Variants in EXOSC7 observed in about 807,000 individuals in gnomAD.
EXOSC7 encodes the protein exosome component 7.
EXOSC7 carries 25 observed loss-of-function variants against 34.3 expected under a neutral mutation model. That is an observed-to-expected ratio of 0.73 (90% confidence interval 0.53 to 1.02). The LOEUF is 1.02. EXOSC7 is among the 50% of genes least tolerant of loss of function. EXOSC7 has a pLI of 0.00. For synonymous variants in EXOSC7, 130 were observed against 143.0 expected (o/e 0.91, Z 0.65); for missense variants, 370 against 368.5 (o/e 1.00, Z -0.03).
In EXOSC7 at chr3:44,989,169, T is replaced by C; in HGVS notation, c.87T>C (p.Cys29=). 6 of 1,614,186 alleles carry C rather than the reference T, an allele frequency of 3.7e-6. No homozygotes were observed. Among genetic ancestry groups the C allele is most frequent in the Non-Finnish European group, 2.5e-6 (3 of 1,180,020 alleles). ...QEDLRVDGRG[C]EDYRCVEVET... ...ACCTCCGTGTGGATGGCCGTGGCTG[T>C]GAGGACTACCGATGTGTCGAAGTGG... is the stretch of plus-strand genomic sequence containing the variant. Residue 29 remains cysteine (C), a synonymous_variant, in exon 2 of 8, where the codon TGT becomes TGC. Coordinates refer to ENST00000265564, the MANE Select transcript of EXOSC7 (RefSeq NM_015004.4).
chr3:45,001,504 T>G (rs1187857984), intron 4 of EXOSC7, 34 bp from the exon 5 acceptor site: 1 of 1,547,252 alleles, frequency 6.5e-7, no homozygotes, highest in Admixed American at 1.7e-5. Flanking sequence ...TGATGCTTGG[T>G]TTTTTTTCCT....
At chr3:45,010,548 C>T (rs1707176976) in intron 7 of EXOSC7, among the ~76,000 whole-genome samples, 1 of 152,138 alleles carries the variant, frequency 6.6e-6, no homozygotes, top group Admixed American at 6.6e-5. Flanking sequence ...TACTCCCAGC[C>T]ATATTGAGTT....
At chr3:44,987,631 C>T (rs558834503) in intron 1 of EXOSC7, among the ~76,000 whole-genome samples, 55 of 152,214 alleles carry the variant, frequency 3.6e-4, no homozygotes, top group African/African-American at 1.3e-3. Flanking sequence ...CTGAAGGGCA[C>T]GTAGAAGAAA....
chr3:45,001,664 G>A, intron 5 of EXOSC7, 56 bp downstream of exon 5: 1 of 1,248,320 alleles, frequency 8.0e-7, no homozygotes, highest in Non-Finnish European at 1.2e-6. Flanking sequence ...GCAGACACTT[G>A]TAATGGAACA....
At chr3:45,000,066 A>C (rs1706833196) in intron 4 of EXOSC7, among the ~76,000 whole-genome samples, 1 of 152,128 alleles carries the variant, frequency 6.6e-6, no homozygotes, top group Admixed American at 6.5e-5. Context: ...TTTTCCCCTC[A>C]GTTCGGTTAT....
intron 1 of EXOSC7, 79 bp downstream of exon 1, chr3:44,976,413 G>GTT: frequency 7.6e-7 from 1 of 1,312,528 alleles, no homozygotes; most frequent in Non-Finnish European, 1.0e-6. Flanking sequence ...GGGTTTGCCA[G>GTT]TGAGGAGGCA....
intron 1 of EXOSC7, among the ~76,000 whole-genome samples, chr3:44,982,234 A>G (rs934242007): frequency 6.6e-6 from 1 of 152,174 alleles, no homozygotes. Flanking sequence ...CAATGAGAGA[A>G]TCAGTTTGGT....
chr3:44,978,720 G>A (rs1319750153), intron 1 of EXOSC7, among the ~76,000 whole-genome samples: 1 of 152,186 alleles, frequency 6.6e-6, no homozygotes, highest in African/African-American at 2.4e-5. Context: ...TCCTCAGGTG[G>A]AGGACATGTG....
intron 4 of EXOSC7, among the ~76,000 whole-genome samples, chr3:45,000,852 T>G (rs1277554957): frequency 6.6e-6 from 1 of 152,076 alleles, no homozygotes; most frequent in Non-Finnish European, 1.5e-5. Flanking sequence ...AGGTGATCAG[T>G]CCCACCTTCA....
chr3:45,005,069 C>T (rs1217848568), intron 5 of EXOSC7: 1 of 499,724 alleles, frequency 2.0e-6, no homozygotes, highest in African/African-American at 1.9e-5. Flanking sequence ...ATTGGGATAT[C>T]TGATTGACCC....
chr3:45,003,302 A>G (rs1297419961), intron 5 of EXOSC7, among the ~76,000 whole-genome samples: 1 of 151,590 alleles, frequency 6.6e-6, no homozygotes, highest in Non-Finnish European at 1.5e-5. Flanking sequence ...GTTGTAGCCA[A>G]AGGGTTGGGA....
At chr3:44,976,704 T>C (rs6780749) in intron 1 of EXOSC7, among the ~76,000 whole-genome samples, 15,563 of 152,280 alleles carry the variant, frequency 0.1, 839 homozygotes, top group Middle Eastern at 0.18. Context: ...GGAGGTGGGC[T>C]TCTGGCCTGC....
chr3:44,996,893 A>G (rs943638949), intron 3 of EXOSC7, among the ~76,000 whole-genome samples, 194 bp from the exon 4 acceptor site: 5 of 152,258 alleles, frequency 3.3e-5, no homozygotes, highest in African/African-American at 4.8e-5. Context: ...TCCAGGTCAC[A>G]GTGCTGGTCT....
chr3:44,976,472 T>A lies in EXOSC7; in HGVS notation c.57+138T>A, dbSNP rs1706031499. The A allele has an allele frequency of 4.1e-6, 3 of 739,028 alleles. No individual in the cohort carries two copies. The Admixed American group carries it at 1.2e-4, about 30-fold the overall frequency. The allele number at this position is 739,028 out of a possible 1,614,324, so 45.8% of individuals were successfully genotyped here. ...TTACCTTGTGATTAAACGGTTCTGC[T>A]GCCGGCGTTTGCAATTCAGAGCTGG... is the stretch of plus-strand genomic sequence containing the variant. On this transcript the variant is annotated intron_variant, in intron 1 of 7. Coordinates refer to ENST00000265564, the MANE Select transcript of EXOSC7 (RefSeq NM_015004.4).
chr3:44,992,702 TG>T (rs914000498), intron 3 of EXOSC7, among the ~76,000 whole-genome samples: 1 of 152,128 alleles, frequency 6.6e-6, no homozygotes, highest in African/African-American at 2.4e-5. Context: ...TAGGAAAAGG[TG>T]GTTTCTATCT....
intron 5 of EXOSC7, among the ~76,000 whole-genome samples, chr3:45,002,804 C>T (rs1706917648): frequency 6.6e-6 from 1 of 152,210 alleles, no homozygotes; most frequent in Non-Finnish European, 1.5e-5. Context: ...CCACCCCTAG[C>T]TGTGCCACTA....
intron 1 of EXOSC7, among the ~76,000 whole-genome samples, chr3:44,987,432 G>A (rs974765002): frequency 6.6e-6 from 1 of 152,256 alleles, no homozygotes; most frequent in Non-Finnish European, 1.5e-5. Context: ...AAATTAGCCA[G>A]GCATGGTGAT....
intron 3 of EXOSC7, among the ~76,000 whole-genome samples, chr3:44,994,856 GGTGTGTGTGTGTGTGTGTGTGTGTGT>G (rs34579096): frequency 2.8e-4 from 38 of 134,862 alleles, no homozygotes; most frequent in Non-Finnish European, 5.2e-4. Context: ...TGGAAGAATG[GGTGTGTGTGTGTGTGTGTGTGTGTGT>G]GTGTGTGTGT....
chr3:44,989,055 C>T lies in EXOSC7; in HGVS notation c.58-85C>T, dbSNP rs577243071. ...AGGAAAAGAGATATTCTGCATATAT[C>T]TTCTCTAGGGGGAAAATGGGTGAGT... On this transcript the variant is annotated intron_variant, in intron 1 of 7. Coordinates refer to ENST00000265564, the MANE Select transcript of EXOSC7 (RefSeq NM_015004.4). 9 of 874,874 alleles carry T rather than the reference C, an allele frequency of 1.0e-5. No homozygotes were observed. In the East Asian group the frequency reaches 2.2e-4, roughly 21 times the overall value. The allele number at this position is 874,874 out of a possible 1,614,324, so 54.2% of individuals were successfully genotyped here. A position where few individuals can be genotyped will look rare whatever the true frequency, so the allele number is the denominator to read the frequency against.
Sources: gnomAD v4.1 joint callset for allele counts (sites outside exome capture counted in the v4.1 genomes callset) on GRCh38, gnomAD v4.1.1 for gene constraint, MANE v1.5 for transcripts, NCBI Gene and HGNC (gene_info 2026-07-23, HGNC 2026-07-21) for gene names.